OCA2: variants seen among roughly 807,000 people sequenced by gnomAD.
OCA2 encodes the protein OCA2 melanosomal transmembrane protein, also known as P protein.
Under a neutral mutation model 100.2 loss-of-function variants are expected in OCA2, and 77 were observed. The ratio of observed to expected loss-of-function variants is 0.77; its 90% CI spans 0.64 to 0.93. The LOEUF (loss-of-function observed/expected upper bound fraction) is 0.93. OCA2 is among the 40% of genes least tolerant of loss of function. OCA2 has a pLI of 0.00. For synonymous variants in OCA2, 432 were observed against 439.2 expected (o/e 0.98, Z 0.21); for missense variants, 1,062 against 1,089.1 (o/e 0.98, Z 0.35).
chr15:27,905,473 G>C (rs1355261026), intron 19 of OCA2, among the ~76,000 whole-genome samples: 1 of 152,342 alleles, frequency 6.6e-6, no homozygotes, highest in East Asian at 1.9e-4. Flanking sequence ...GGGGTGCTGA[G>C]GTGATCAGAA....
chr15:27,739,590 C>G, the OCA2 span, among the ~76,000 whole-genome samples: 2 of 151,750 alleles, frequency 1.3e-5, no homozygotes, highest in Admixed American at 6.6e-5. Context: ...GAACTACAGG[C>G]GCCCACCACC....
In OCA2 at chr15:27,762,868, G is replaced by T. The variant is rs1478004932; in HGVS notation, c.2433-7396C>A. 3.9e-5 allele frequency among the ~76,000 whole-genome samples: 6 copies of T among 152,306 alleles called. No individual in the cohort carries two copies. The East Asian group carries it at 1.2e-3, about 29-fold the overall frequency. On this transcript the variant is annotated intron_variant, in intron 23 of 23. Coordinates refer to ENST00000354638, the MANE Select transcript of OCA2 (RefSeq NM_000275.3). The stretch of plus-strand genomic sequence containing the variant: ...TGATAACACATGTACCTGTTATTAA[G>T]CTCCTGCTTATAAGTGAGAACACGT...
At chr15:27,793,446 C>T (rs2033179904) in intron 23 of OCA2, among the ~76,000 whole-genome samples, 1 of 151,784 alleles carries the variant, frequency 6.6e-6, no homozygotes, top group African/African-American at 2.4e-5. Flanking sequence ...CTTAGCTGGA[C>T]CTTTTCTCCT....
intron 14 of OCA2, among the ~76,000 whole-genome samples, chr15:27,969,905 T>TAAAA (rs34786123): frequency 3.4e-3 from 488 of 144,414 alleles, no homozygotes; most frequent in Non-Finnish European, 5.5e-3. Flanking sequence ...TGTGAAAATT[T>TAAAA]AAAAAAAAAA....
chr15:27,960,630 A>G (rs1374309033), intron 15 of OCA2, among the ~76,000 whole-genome samples: 3 of 152,096 alleles, frequency 2.0e-5, no homozygotes, highest in African/African-American at 7.2e-5. Flanking sequence ...GTATCTATGT[A>G]TCTATCTCCC....
intron 18 of OCA2, among the ~76,000 whole-genome samples, chr15:27,943,555 A>T (rs1399136583): frequency 3.3e-5 from 5 of 151,922 alleles, no homozygotes; most frequent in East Asian, 1.9e-4. Context: ...AAGAGCTCTG[A>T]AACCTGCTAC....
At chr15:27,845,254 T>G (rs1183354370) in intron 22 of OCA2, among the ~76,000 whole-genome samples, 1 of 152,156 alleles carries the variant, frequency 6.6e-6, no homozygotes, top group Admixed American at 6.5e-5. Flanking sequence ...AATACCATGA[T>G]TCATTTATGG....
intron 2 of OCA2, among the ~76,000 whole-genome samples, chr15:28,063,541 T>C (rs1268801245): frequency 6.6e-6 from 1 of 152,164 alleles, no homozygotes; most frequent in Non-Finnish European, 1.5e-5. Flanking sequence ...GTGTATCATT[T>C]TGATTCCTTT....
At chr15:27,914,400 T>C (rs2038585139) in intron 19 of OCA2, among the ~76,000 whole-genome samples, 1 of 152,094 alleles carries the variant, frequency 6.6e-6, no homozygotes, top group Non-Finnish European at 1.5e-5. Flanking sequence ...GACATCCAAA[T>C]AGGAAGAGAG....
chr15:27,992,105 CTTTT>C (rs66972965), intron 9 of OCA2, among the ~76,000 whole-genome samples: 1 of 144,236 alleles, frequency 6.9e-6, no homozygotes. Flanking sequence ...GTTTAGGACG[CTTTT>C]TTTTTTTTTG....
At chr15:27,819,658 T>G (rs551295358) in intron 23 of OCA2, among the ~76,000 whole-genome samples, 2 of 152,350 alleles carry the variant, frequency 1.3e-5, no homozygotes, top group South Asian at 4.2e-4. Flanking sequence ...GATATGGACT[T>G]GGCTTAACCT....
chr15:27,941,732 G>A (rs138423687), intron 18 of OCA2, among the ~76,000 whole-genome samples: 1 of 151,716 alleles, frequency 6.6e-6, no homozygotes, highest in African/African-American at 2.4e-5. Context: ...TGATGCTCAG[G>A]AAGGGAGATT....
intron 22 of OCA2, among the ~76,000 whole-genome samples, chr15:27,847,086 T>G (rs1233526014): frequency 1.2e-4 from 19 of 152,104 alleles, no homozygotes; most frequent in Non-Finnish European, 1.6e-4. Flanking sequence ...CTGAGGGCCC[T>G]CCTTCTCAGC....
At chr15:27,923,021 G>A (rs528766742) in intron 19 of OCA2, among the ~76,000 whole-genome samples, 6 of 152,122 alleles carry the variant, frequency 3.9e-5, no homozygotes, top group African/African-American at 1.2e-4. Context: ...GTGTCCATGT[G>A]TTCTCATCAT....
At chr15:28,019,343 A>T (rs560816568) in intron 6 of OCA2, among the ~76,000 whole-genome samples, 59 of 110,972 alleles carry the variant, frequency 5.3e-4, no homozygotes, top group African/African-American at 1.4e-3. Context: ...GGAGAGCGGG[A>T]GACAAGGACG....
In OCA2 at chr15:28,024,921, G is replaced by A; in HGVS notation, c.516-19C>T. The A allele has an allele frequency of 6.2e-7, 1 of 1,613,596 alleles. No individual in the cohort carries two copies. Among genetic ancestry groups the A allele is most frequent in the Non-Finnish European group, 8.5e-7 (1 of 1,179,626 alleles). On this transcript the variant is annotated intron_variant, in intron 4 of 23. Transcript: ENST00000354638. ...ACAGCGCCTGCAAGAGAAAAAGTAGGGCCTTAGTGGCAAGGGCAGCAGTCC... is the reference window on the plus strand; with the variant it reads ...ACAGCGCCTGCAAGAGAAAAAGTAGAGCCTTAGTGGCAAGGGCAGCAGTCC...
intron 19 of OCA2, among the ~76,000 whole-genome samples, chr15:27,890,416 T>C (rs78400286): frequency 0.016 from 2,367 of 152,114 alleles, 55 homozygotes; most frequent in African/African-American, 0.05. Context: ...AAATAAATCA[T>C]CAACTTTCAA....
intron 2 of OCA2, among the ~76,000 whole-genome samples, chr15:28,075,439 C>T (rs1028157399): frequency 7.2e-5 from 11 of 152,262 alleles, no homozygotes; most frequent in Non-Finnish European, 1.0e-4. Context: ...CTGACAATGA[C>T]GCAGAGGACT....
intron 23 of OCA2, among the ~76,000 whole-genome samples, chr15:27,784,474 A>G (rs970569336): frequency 2.0e-5 from 3 of 152,214 alleles, no homozygotes. Flanking sequence ...ACATATAAAT[A>G]AGCTAGGGAA....
Sources: gnomAD v4.1 joint callset for allele counts (sites outside exome capture counted in the v4.1 genomes callset) on GRCh38, gnomAD v4.1.1 for gene constraint, MANE v1.5 for transcripts, NCBI Gene and HGNC (gene_info 2026-07-23, HGNC 2026-07-21) for gene names.